Variants in PCDH15 observed in about 807,000 individuals in gnomAD.
The protein encoded by PCDH15 is protocadherin-15.
Under a neutral mutation model 178.5 loss-of-function variants are expected in PCDH15, and 129 were observed. The observed-to-expected ratio is 0.72, with a 90% CI of 0.63 to 0.84. The LOEUF (loss-of-function observed/expected upper bound fraction) is 0.84, where lower values mean the gene tolerates loss of function less well. PCDH15 is among the 40% of genes least tolerant of loss of function. The pLI is 0.00. For synonymous variants in PCDH15, 800 were observed against 732.0 expected, an observed-to-expected ratio of 1.09 and a Z score of -1.50; for missense variants, 2,230 against 2,099.9, an observed-to-expected ratio of 1.06 and a Z score of -1.21.
chr10:54,814,593 C>G (rs1952919103), intron 3 of PCDH15, among the ~76,000 whole-genome samples: 1 of 152,078 alleles, frequency 6.6e-6, no homozygotes. Flanking sequence ...CATAAAGGGT[C>G]TTTTCTGATC....
intron 3 of PCDH15, among the ~76,000 whole-genome samples, chr10:54,830,007 G>T (rs1400747541): frequency 3.3e-5 from 5 of 152,044 alleles, no homozygotes; most frequent in Non-Finnish European, 5.9e-5. Flanking sequence ...AAAGAGGCTT[G>T]CAGGAAGAGA....
intron 2 of PCDH15, among the ~76,000 whole-genome samples, chr10:55,132,530 C>T (rs1838080747): frequency 6.6e-6 from 1 of 152,012 alleles, no homozygotes; most frequent in Non-Finnish European, 1.5e-5. Context: ...TTTATATGTT[C>T]CTAGATGTCT....
At chr10:55,596,630 G>T (rs968113046) in intron 2 of PCDH15, among the ~76,000 whole-genome samples, 1 of 152,044 alleles carries the variant, frequency 6.6e-6, no homozygotes, top group African/African-American at 2.4e-5. Flanking sequence ...ATGATTATAT[G>T]TGGGATTAAC....
chr10:53,943,778 A>G (rs944411977), intron 23 of PCDH15, among the ~76,000 whole-genome samples: 2 of 152,190 alleles, frequency 1.3e-5, no homozygotes, highest in African/African-American at 4.8e-5. Context: ...TGTTTCTATC[A>G]GAACTAAAAC....
intron 2 of PCDH15, among the ~76,000 whole-genome samples, chr10:55,459,442 T>C (rs1290390544): frequency 6.6e-6 from 1 of 152,054 alleles, no homozygotes; most frequent in African/African-American, 2.4e-5. Context: ...AGGTCAATAA[T>C]GATTACCCTA....
chr10:54,426,999 A>G (rs1184270867), intron 3 of PCDH15, among the ~76,000 whole-genome samples: 1 of 152,104 alleles, frequency 6.6e-6, no homozygotes, highest in Non-Finnish European at 1.5e-5. Flanking sequence ...ATGTTTGACA[A>G]AATAGAAGGT....
At chr10:54,934,326 T>C (rs1029585078) in intron 2 of PCDH15, among the ~76,000 whole-genome samples, 7 of 152,192 alleles carry the variant, frequency 4.6e-5, no homozygotes, top group South Asian at 2.1e-4. Context: ...CATGTGTATA[T>C]ACTAAGATAT....
intron 15 of PCDH15, among the ~76,000 whole-genome samples, chr10:54,096,161 A>G (rs935972473): frequency 6.6e-6 from 1 of 151,948 alleles, no homozygotes; most frequent in Non-Finnish European, 1.5e-5. Flanking sequence ...CTCATTTTCT[A>G]TCACTAGCAA....
chr10:55,504,251 T>C (rs1167928055), intron 2 of PCDH15, among the ~76,000 whole-genome samples: 1 of 151,522 alleles, frequency 6.6e-6, no homozygotes, highest in Middle Eastern at 3.4e-3. Context: ...GGAATGTTGA[T>C]AATAGGAAAA....
intron 2 of PCDH15, among the ~76,000 whole-genome samples, chr10:55,051,714 T>A (rs536801815): frequency 6.6e-6 from 1 of 152,296 alleles, no homozygotes; most frequent in African/African-American, 2.4e-5. Flanking sequence ...AAGAGCATAG[T>A]CATAAAAATG....
intron 2 of PCDH15, among the ~76,000 whole-genome samples, chr10:55,143,721 G>A (rs1443794390): frequency 6.6e-6 from 1 of 151,972 alleles, no homozygotes; most frequent in Non-Finnish European, 1.5e-5. Context: ...TGAGTCCCCT[G>A]ACTTGAATTA....
intron 2 of PCDH15, among the ~76,000 whole-genome samples, chr10:55,132,823 G>C (rs142971851): frequency 1.4e-3 from 214 of 152,256 alleles, no homozygotes; most frequent in Middle Eastern, 0.014. Flanking sequence ...GGTTAAGACT[G>C]TGAGCATTTA....
At chr10:55,545,455 T>C (rs1426462218) in intron 2 of PCDH15, among the ~76,000 whole-genome samples, 1 of 151,676 alleles carries the variant, frequency 6.6e-6, no homozygotes, top group Non-Finnish European at 1.5e-5. Context: ...TTTGTATTTT[T>C]AGTAGAGACA....
At chr10:54,888,253 G>A (rs1041471284) in intron 3 of PCDH15, among the ~76,000 whole-genome samples, 1 of 151,958 alleles carries the variant, frequency 6.6e-6, no homozygotes, top group Admixed American at 6.6e-5. Context: ...CAATAGTTTG[G>A]GATTTCTAGA....
intron 2 of PCDH15, among the ~76,000 whole-genome samples, chr10:54,918,555 G>A (rs905986795): frequency 2.0e-5 from 3 of 152,084 alleles, no homozygotes; most frequent in East Asian, 1.9e-4. Context: ...ATTTGTGGCA[G>A]CACTAACATG....
At chr10:55,035,981 C>T (rs551681991) in intron 2 of PCDH15, among the ~76,000 whole-genome samples, 2 of 152,174 alleles carry the variant, frequency 1.3e-5, no homozygotes, top group Admixed American at 6.5e-5. Context: ...CACCTTGCTA[C>T]GGTTTGAATG....
chr10:55,156,540 T>C (rs1838895542), intron 2 of PCDH15, among the ~76,000 whole-genome samples: 1 of 152,140 alleles, frequency 6.6e-6, no homozygotes, highest in South Asian at 2.1e-4. Context: ...GGAGAATCTG[T>C]CTTTATGCTT....
At chr10:54,592,121 G>A (rs957075442) in intron 2 of PCDH15, among the ~76,000 whole-genome samples, 1 of 152,034 alleles carries the variant, frequency 6.6e-6, no homozygotes, top group African/African-American at 2.4e-5. Flanking sequence ...CCATGCATGG[G>A]TATTTTCTTC....
At chr10:55,379,433 T>A (rs947884251) in intron 2 of PCDH15, among the ~76,000 whole-genome samples, 1 of 152,114 alleles carries the variant, frequency 6.6e-6, no homozygotes, top group African/African-American at 2.4e-5. Context: ...ATATATAAAG[T>A]AATATATTGG....
Sources: allele counts gnomAD v4.1 joint callset (sites outside exome capture counted in the v4.1 genomes callset), GRCh38; gene constraint gnomAD v4.1.1; transcripts MANE v1.5; gene names NCBI Gene and HGNC (gene_info 2026-07-23, HGNC 2026-07-21).